The following RCBTB1 variants were observed in gnomAD, a reference collection of about 807,000 sequenced individuals.
RCBTB1 encodes the protein RCC1 and BTB domain-containing protein 1.
Under a neutral mutation model 62.4 loss-of-function variants are expected in RCBTB1, and 46 were observed. The ratio of observed to expected loss-of-function variants is 0.74; its 90% CI spans 0.58 to 0.94. The LOEUF (loss-of-function observed/expected upper bound fraction) is 0.94. RCBTB1 is among the 40% of genes least tolerant of loss of function. The pLI is 0.00. For missense variants in RCBTB1, 565 were observed against 654.9 expected, an observed-to-expected ratio of 0.86 and a Z score of 1.50; for synonymous variants, 222 against 245.8, an observed-to-expected ratio of 0.90 and a Z score of 0.91.
At chr13:49,536,734 T>A (rs115703289) in intron 12 of RCBTB1, among the ~76,000 whole-genome samples, 4 of 152,152 alleles carry the variant, frequency 2.6e-5, no homozygotes, top group Non-Finnish European at 5.9e-5. Flanking sequence ...TCTAATACAG[T>A]CTTCTTGGTA....
intron 4 of RCBTB1, among the ~76,000 whole-genome samples, chr13:49,565,383 T>C (rs9316460): frequency 0.24 from 36,501 of 151,046 alleles, 5,700 homozygotes; most frequent in African/African-American, 0.44. Context: ...ACCTCCCAGC[T>C]GCCTGCCTTG....
chr13:49,535,767 G>A (rs1169024134), intron 12 of RCBTB1, among the ~76,000 whole-genome samples: 1 of 152,210 alleles, frequency 6.6e-6, no homozygotes. Flanking sequence ...GCTCACGCCT[G>A]TAATCTCAGC....
At chr13:49,540,148 TG>T (rs1358081453) in intron 12 of RCBTB1, among the ~76,000 whole-genome samples, 3 of 152,242 alleles carry the variant, frequency 2.0e-5, no homozygotes, top group Non-Finnish European at 4.4e-5. Flanking sequence ...TCATCCTTAA[TG>T]CTTCCTTTAA....
chr13:49,562,087 G>A (rs1594310512), intron 4 of RCBTB1, among the ~76,000 whole-genome samples: 2 of 149,952 alleles, frequency 1.3e-5, no homozygotes, highest in South Asian at 4.2e-4. Flanking sequence ...GGGCAAAAAG[G>A]ACTCTATCTC....
chr13:49,555,898 G>T (rs2139205318), intron 5 of RCBTB1, among the ~76,000 whole-genome samples: 1 of 152,194 alleles, frequency 6.6e-6, no homozygotes, highest in East Asian at 1.9e-4. Context: ...TTTTATACAT[G>T]GAAACTGAAA....
chr13:49,548,527 C>G (rs947323560), intron 9 of RCBTB1, among the ~76,000 whole-genome samples: 2 of 151,812 alleles, frequency 1.3e-5, no homozygotes, highest in African/African-American at 4.8e-5. Context: ...CAGCACTACC[C>G]ACGAGAGTCA....
chr13:49,567,097 T>A (rs1225597032), intron 3 of RCBTB1, 57 bp downstream of exon 3: 8 of 1,569,386 alleles, frequency 5.1e-6, no homozygotes, highest in Admixed American at 3.4e-5. Flanking sequence ...CTGGACACTT[T>A]GAAGACCAAT....
intron 4 of RCBTB1, among the ~76,000 whole-genome samples, chr13:49,565,595 G>T (rs578106965): frequency 7.7e-6 from 1 of 129,398 alleles, no homozygotes; most frequent in Non-Finnish European, 1.6e-5. Flanking sequence ...GCCGCCCATC[G>T]TCTGGGATGT....
In RCBTB1 at chr13:49,547,214, G is replaced by A. The variant is rs1231599426; in HGVS notation, c.1045+2244C>T. The A allele has an allele frequency of 2.5e-6, 3 of 1,222,746 alleles. No individual in the cohort carries two copies. The East Asian group carries it at 1.7e-4, about 69-fold the overall frequency. The allele number at this position is 1,222,746 out of a possible 1,614,324, so 75.7% of individuals were successfully genotyped here. A position where few individuals can be genotyped will look rare whatever the true frequency, so the allele number is the denominator to read the frequency against. On this transcript the variant is annotated intron_variant, in intron 9 of 12. Transcript: ENST00000378302. Reference sequence around the variant, plus strand: ...TACTGTATTATACCTAAAGAACATGGCAAAAATAAAGTGAAAGGGAGTATT... The same window carrying A: ...TACTGTATTATACCTAAAGAACATGACAAAAATAAAGTGAAAGGGAGTATT...
intron 8 of RCBTB1, 83 bp downstream of exon 8, chr13:49,551,243 A>G: frequency 6.7e-7 from 1 of 1,484,784 alleles, no homozygotes; most frequent in South Asian, 1.3e-5. Context: ...AAGAATCACA[A>G]AGCCAAACAC....
At chr13:49,572,856 A>C (rs1319676502) in intron 2 of RCBTB1, among the ~76,000 whole-genome samples, 4 of 152,188 alleles carry the variant, frequency 2.6e-5, no homozygotes, top group African/African-American at 9.7e-5. Context: ...TAGATGCTTC[A>C]AATAGGAAGA....
At chr13:49,574,684 TA>T (rs200928511) in intron 2 of RCBTB1, among the ~76,000 whole-genome samples, 16 of 85,706 alleles carry the variant, frequency 1.9e-4, no homozygotes, top group Non-Finnish European at 2.6e-4. Flanking sequence ...GGTGATTCCT[TA>T]AAAAAAAAAA....
At position 49,541,801 on chromosome 13, in the gene RCBTB1, TG is replaced by T; in HGVS notation, c.1198del (p.Gln400SerfsTer8). 6.2e-7 allele frequency: 1 copy of T among 1,613,292 alleles called. No homozygotes were observed. The highest frequency in any genetic ancestry group is 8.5e-7 in the Non-Finnish European group (1 of 1,179,804). Reference protein sequence around the residue: ...IRCEHFRSMFQSYWNEDMKEV... With the variant: ...IRCEHFRSMFXSYWNEDMKEV... ...CTTCATGTCTTCATTCCAATACGAC[TG>T]GAACATGGATCGAAAATGCTCACAC... On this transcript the variant is annotated frameshift_variant, in exon 11 of 13. Coordinates refer to ENST00000378302, the MANE Select transcript of RCBTB1 (RefSeq NM_018191.4). LOFTEE classifies it high-confidence loss of function.
chr13:49,535,271 C>A (rs1959852248), intron 12 of RCBTB1, among the ~76,000 whole-genome samples: 1 of 152,098 alleles, frequency 6.6e-6, no homozygotes, highest in Admixed American at 6.6e-5. Context: ...CAAAATCAAT[C>A]CCTGCCTATG....
intron 4 of RCBTB1, among the ~76,000 whole-genome samples, chr13:49,564,583 C>CAAAAAAAAAAAAAAAA (rs10710755): frequency 3.3e-4 from 13 of 39,320 alleles, no homozygotes; most frequent in African/African-American, 1.6e-3. Flanking sequence ...GACTCCTTCT[C>CAAAAAAAAAAAAAAAA]AAAAAAAAAA....
chr13:49,544,962 C>T, intron 9 of RCBTB1, 99 bp from the exon 10 acceptor site: 1 of 937,084 alleles, frequency 1.1e-6, no homozygotes, highest in Non-Finnish European at 1.6e-6. Context: ...TGGATAATTC[C>T]ACTTGTTTTT....
At chr13:49,560,474 C>T (rs546710881) in intron 4 of RCBTB1, among the ~76,000 whole-genome samples, 4 of 152,252 alleles carry the variant, frequency 2.6e-5, no homozygotes, top group African/African-American at 7.2e-5. Context: ...TACCAAGTCA[C>T]GGGGAACCCA....
In RCBTB1 at chr13:49,539,852, G is replaced by A. The variant is rs554286821; in HGVS notation, c.1455+1024C>T. On this transcript the variant is annotated intron_variant, in intron 12 of 12. Transcript: ENST00000378302. Reference sequence around the variant, plus strand: ...AGAATATAGCCTCAAACAAAAATAAGATACATTTTGAAAACATCGTGGTCA... The same window carrying A: ...AGAATATAGCCTCAAACAAAAATAAAATACATTTTGAAAACATCGTGGTCA... Among the ~76,000 whole-genome samples the A allele has an allele frequency of 3.3e-5, 5 of 152,208 alleles. No individual in the cohort carries two copies. In the East Asian group the frequency reaches 9.6e-4, roughly 29 times the overall value.
At chr13:49,582,448 C>T (rs1431448784) in intron 1 of RCBTB1, among the ~76,000 whole-genome samples, 2 of 152,158 alleles carry the variant, frequency 1.3e-5, no homozygotes, top group Non-Finnish European at 2.9e-5. Context: ...GATCACACCA[C>T]TGCACTCCAG....
Sources: allele counts gnomAD v4.1 joint callset (sites outside exome capture counted in the v4.1 genomes callset), GRCh38; gene constraint gnomAD v4.1.1; transcripts MANE v1.5; gene names NCBI Gene and HGNC (gene_info 2026-07-23, HGNC 2026-07-21).